The following PTPRD variants were observed in gnomAD, a reference collection of about 807,000 sequenced individuals.
PTPRD encodes protein tyrosine phosphatase receptor type D.
Under a neutral mutation model 214.5 loss-of-function variants are expected in PTPRD, and 34 were observed. That is an observed-to-expected ratio of 0.16 (90% CI 0.12 to 0.21). PTPRD has a LOEUF of 0.21. Among genes scored for constraint, PTPRD ranks in the 10% least tolerant of loss-of-function variants. The pLI is 1.00. For missense variants in PTPRD, 2,545 were observed against 2,398.7 expected, an observed-to-expected ratio of 1.06 and a Z score of -1.27; for synonymous variants, 1,128 against 845.7, an observed-to-expected ratio of 1.33 and a Z score of -5.79.
At chr9:8,638,591 G>A (rs1247535959) in intron 12 of PTPRD, among the ~76,000 whole-genome samples, 2 of 152,088 alleles carry the variant, frequency 1.3e-5, no homozygotes, top group South Asian at 2.1e-4. Context: ...ATTTCCAAAG[G>A]AGGGAAGTTC....
At chr9:9,417,693 G>C (rs1403207858) in intron 8 of PTPRD, among the ~76,000 whole-genome samples, 1 of 152,028 alleles carries the variant, frequency 6.6e-6, no homozygotes, top group East Asian at 1.9e-4. Context: ...AGTGACATGG[G>C]AAATGCTAGT....
At chr9:9,790,342 C>T (rs534175568) in intron 5 of PTPRD, among the ~76,000 whole-genome samples, 10 of 152,146 alleles carry the variant, frequency 6.6e-5, no homozygotes, top group Non-Finnish European at 1.5e-4. Flanking sequence ...AGCCACCTTC[C>T]CCAGGGGCTT....
chr9:9,060,539 C>A lies in PTPRD; in HGVS notation c.-142-41804G>T, dbSNP rs147512197. ...TGTTGTAGTAATATGAACTTCTGTT[C>A]AATGAAAGAAACTAGGAAAGACAAA... On this transcript the variant is annotated intron_variant, in intron 10 of 45. Coordinates refer to ENST00000381196, the MANE Select transcript of PTPRD (RefSeq NM_002839.4). 1.3e-4 allele frequency among the ~76,000 whole-genome samples: 19 copies of A among 151,366 alleles called. No individual in the cohort carries two copies. The East Asian group carries it at 3.7e-3, about 29-fold the overall frequency.
intron 2 of PTPRD, among the ~76,000 whole-genome samples, chr9:10,470,053 G>T (rs192969184): frequency 1.3e-5 from 2 of 151,998 alleles, no homozygotes; most frequent in Admixed American, 1.3e-4. Flanking sequence ...GGTAGTGTTT[G>T]GTACCAAAAT....
At chr9:10,436,837 A>T (rs1327228596) in intron 2 of PTPRD, among the ~76,000 whole-genome samples, 1 of 151,806 alleles carries the variant, frequency 6.6e-6, no homozygotes, top group Non-Finnish European at 1.5e-5. Context: ...GAGGAGAACT[A>T]ACGCCTGAGG....
chr9:9,120,041 G>A (rs967381233), intron 10 of PTPRD, among the ~76,000 whole-genome samples: 2 of 152,100 alleles, frequency 1.3e-5, no homozygotes, highest in Admixed American at 1.3e-4. Context: ...TCTAAACTGT[G>A]TTCTGTAAAA....
intron 3 of PTPRD, among the ~76,000 whole-genome samples, chr9:10,321,958 A>G (rs1036594913): frequency 6.6e-6 from 1 of 152,208 alleles, no homozygotes; most frequent in South Asian, 2.1e-4. Flanking sequence ...AGAGATGCAT[A>G]TTAATGTAAC....
At chr9:9,964,732 AT>A in intron 4 of PTPRD, among the ~76,000 whole-genome samples, 1 of 152,322 alleles carries the variant, frequency 6.6e-6, no homozygotes, top group Non-Finnish European at 1.5e-5. Flanking sequence ...AAATACATTC[AT>A]TTTTATCTCC....
At chr9:8,674,801 G>C (rs1357893147) in intron 12 of PTPRD, among the ~76,000 whole-genome samples, 1 of 152,140 alleles carries the variant, frequency 6.6e-6, no homozygotes. Flanking sequence ...TTCCAAATGA[G>C]CTTATACTTC....
At chr9:10,365,456 C>T (rs2097498205) in intron 2 of PTPRD, among the ~76,000 whole-genome samples, 1 of 152,156 alleles carries the variant, frequency 6.6e-6, no homozygotes, top group Admixed American at 6.5e-5. Context: ...CTAGAATATT[C>T]CTGTCCATAT....
At chr9:9,586,615 A>G (rs2092011911) in intron 7 of PTPRD, among the ~76,000 whole-genome samples, 2 of 151,984 alleles carry the variant, frequency 1.3e-5, no homozygotes, top group Admixed American at 1.3e-4. Flanking sequence ...AATAAATTAA[A>G]TACCATTTTT....
At chr9:10,578,173 G>A (rs1318787622) in intron 2 of PTPRD, among the ~76,000 whole-genome samples, 1 of 152,070 alleles carries the variant, frequency 6.6e-6, no homozygotes, top group East Asian at 1.9e-4. Context: ...GCCTCCCAAA[G>A]TGCTGAGATT....
chr9:8,787,412 G>T (rs1057097930), intron 11 of PTPRD, among the ~76,000 whole-genome samples: 2 of 152,090 alleles, frequency 1.3e-5, no homozygotes, highest in Non-Finnish European at 2.9e-5. Flanking sequence ...ATGACAATTT[G>T]TTCCCTGCCC....
At chr9:8,548,167 T>C (rs899029962) in intron 14 of PTPRD, among the ~76,000 whole-genome samples, 1 of 152,038 alleles carries the variant, frequency 6.6e-6, no homozygotes, top group Non-Finnish European at 1.5e-5. Context: ...TAATCTAAGG[T>C]CCAGGAAAGA....
intron 15 of PTPRD, 33 bp downstream of exon 15, chr9:8,528,558 T>C (rs772066597): frequency 2.2e-5 from 34 of 1,577,362 alleles, no homozygotes; most frequent in East Asian, 1.1e-4. Flanking sequence ...AAAAATTCTC[T>C]AGGAGTTAGT....
intron 5 of PTPRD, among the ~76,000 whole-genome samples, chr9:9,791,982 A>G (rs188764787): frequency 6.6e-5 from 10 of 152,200 alleles, no homozygotes; most frequent in Admixed American, 2.0e-4. Flanking sequence ...CTGCATCTAG[A>G]GTTCTGTTGT....
chr9:8,695,907 C>T (rs2097902052), intron 12 of PTPRD, among the ~76,000 whole-genome samples: 1 of 152,194 alleles, frequency 6.6e-6, no homozygotes, highest in Admixed American at 6.5e-5. Flanking sequence ...TCTCTCTATT[C>T]TCAGATTATC....
Position 9,315,136 on chromosome 9 carries a change from CCTTT to C in PTPRD, c.-203+82309_-203+82312del, listed in dbSNP as rs370262638. Reference sequence around the variant, plus strand: ...ATTATTTTACAGTGAACATATTTCCCCTTTCTTCTTCTTTGTAGCTCTTTTTCAG... The same window carrying C: ...ATTATTTTACAGTGAACATATTTCCCCTTCTTCTTTGTAGCTCTTTTTCAG... On this transcript the variant is annotated intron_variant, in intron 9 of 45. Coordinates refer to ENST00000381196, the MANE Select transcript of PTPRD (RefSeq NM_002839.4). 3.8e-3 allele frequency among the ~76,000 whole-genome samples: 583 copies of C among 152,098 alleles called. 3 individuals are homozygous for C. The highest frequency in any genetic ancestry group is 0.014 in the African/African-American group (569 of 41,548).
chr9:10,147,573 T>C (rs1169565327), intron 3 of PTPRD, among the ~76,000 whole-genome samples: 2 of 152,120 alleles, frequency 1.3e-5, no homozygotes, highest in African/African-American at 4.8e-5. Flanking sequence ...AGAAGAGTTA[T>C]AGAGATGCAA....
Sources: gnomAD v4.1 joint callset for allele counts (sites outside exome capture counted in the v4.1 genomes callset) on GRCh38, gnomAD v4.1.1 for gene constraint, MANE v1.5 for transcripts, NCBI Gene and HGNC (gene_info 2026-07-23, HGNC 2026-07-21) for gene names.